Variants in FANCC observed in about 807,000 individuals in gnomAD.
FANCC encodes FA complementation group C.
Under a neutral mutation model 71.3 loss-of-function variants are expected in FANCC, and 55 were observed. The observed-to-expected ratio is 0.77, with a 90% CI of 0.62 to 0.97. The LOEUF (loss-of-function observed/expected upper bound fraction) is 0.97, where lower values mean the gene tolerates loss of function less well. Among genes scored for constraint, FANCC ranks in the 50% least tolerant of loss-of-function variants. The pLI is 0.00. For synonymous variants in FANCC, 275 were observed against 244.9 expected, an observed-to-expected ratio of 1.12 and a Z score of -1.15; for missense variants, 678 against 670.9, an observed-to-expected ratio of 1.01 and a Z score of -0.12.
intron 4 of FANCC, among the ~76,000 whole-genome samples, chr9:95,187,998 T>C (rs1398691689): frequency 1.3e-5 from 2 of 151,246 alleles, no homozygotes; most frequent in East Asian, 4.2e-4. Flanking sequence ...CGCATCAGTG[T>C]CTTCATGTAA....
chr9:95,206,765 C>G (rs915194812), intron 4 of FANCC, among the ~76,000 whole-genome samples: 7 of 152,102 alleles, frequency 4.6e-5, no homozygotes, highest in South Asian at 2.1e-4. Flanking sequence ...AGAAGAATAC[C>G]AAGAAACATA....
chr9:95,242,301 C>A (rs1050560806), intron 3 of FANCC, among the ~76,000 whole-genome samples: 7 of 151,890 alleles, frequency 4.6e-5, no homozygotes, highest in African/African-American at 1.7e-4. Context: ...TTAACCAATG[C>A]CACTAATTAA....
chr9:95,130,441 C>T (rs1364626214), intron 8 of FANCC, among the ~76,000 whole-genome samples: 1 of 152,050 alleles, frequency 6.6e-6, no homozygotes, highest in Non-Finnish European at 1.5e-5. Context: ...AGTGAAGGAA[C>T]AGAAAAAATT....
chr9:95,255,584 A>C (rs1831611225), intron 1 of FANCC, among the ~76,000 whole-genome samples: 1 of 152,166 alleles, frequency 6.6e-6, no homozygotes, highest in Non-Finnish European at 1.5e-5. Context: ...ATCCATGAAG[A>C]TGAGTAAAAA....
In FANCC at chr9:95,100,020, C is replaced by T. The variant is rs142666620; in HGVS notation, c.*1687G>A. 2.1e-3 allele frequency: 477 copies of T among 232,374 alleles called. 4 individuals are homozygous for T. The highest frequency in any genetic ancestry group is 0.01 in the African/African-American group (461 of 45,408). The allele number at this position is 232,374 out of a possible 1,614,324, so 14.4% of individuals were successfully genotyped here. A position where few individuals can be genotyped will look rare whatever the true frequency, so the allele number is the denominator to read the frequency against. On this transcript the variant is annotated 3_prime_UTR_variant, in exon 15 of 15. Transcript: ENST00000289081. ...AGTGGCCCCTCTCTCTAGGGGTTCC[C>T]TGCTGCCACCATGTCCACAGAGGAG...
At chr9:95,135,600 A>ATT in intron 7 of FANCC, 98 bp from the exon 8 acceptor site, 4 of 995,576 alleles carry the variant, frequency 4.0e-6, no homozygotes, top group Non-Finnish European at 6.2e-6. Context: ...CCAATTTGTG[A>ATT]GACTTCTCAT....
intron 6 of FANCC, among the ~76,000 whole-genome samples, chr9:95,158,739 T>C (rs769874282): frequency 1.3e-5 from 2 of 152,200 alleles, no homozygotes; most frequent in South Asian, 2.1e-4. Context: ...CCAGAGAGTA[T>C]GTCTGGACAG....
chr9:95,262,432 T>A (rs1296411009), intron 1 of FANCC, among the ~76,000 whole-genome samples: 3 of 151,830 alleles, frequency 2.0e-5, no homozygotes, highest in African/African-American at 7.3e-5. Context: ...CAGAAAACCA[T>A]CTCCCTTCAC....
chr9:95,173,678 G>A (rs572001529), intron 4 of FANCC, among the ~76,000 whole-genome samples: 51 of 152,254 alleles, frequency 3.3e-4, no homozygotes, highest in African/African-American at 1.1e-3. Flanking sequence ...CACTTTGGAA[G>A]GCCGAGACGG....
rs147765058 is a variant in FANCC, at chr9:95,173,364, C to T, written c.346-1217G>A. Among the ~76,000 whole-genome samples the T allele has an allele frequency of 7.4e-3, 1,126 of 152,142 alleles. 6 individuals carry two copies. The highest frequency in any genetic ancestry group is 0.012 in the Non-Finnish European group (841 of 68,006). On this transcript the variant is annotated intron_variant, in intron 4 of 14. Transcript: ENST00000289081. The stretch of plus-strand genomic sequence containing the variant: ...GTGTGTCTGCCTAGAGGTTTGTCAC[C>T]TGAACAAAGACCGATTACGGGCTAA...
At chr9:95,197,905 G>A (rs1827556762) in intron 4 of FANCC, among the ~76,000 whole-genome samples, 1 of 152,182 alleles carries the variant, frequency 6.6e-6, no homozygotes. Flanking sequence ...CACAGCAGAG[G>A]TCCCCACAGG....
At chr9:95,301,712 TTTG>T (rs1383062202) in intron 1 of FANCC, among the ~76,000 whole-genome samples, 2 of 151,970 alleles carry the variant, frequency 1.3e-5, no homozygotes, top group Non-Finnish European at 2.9e-5. Flanking sequence ...CTGCCTGGGA[TTTG>T]TTGTTGTTGC....
chr9:95,200,849 G>A (rs1298237423), intron 4 of FANCC, among the ~76,000 whole-genome samples: 1 of 152,012 alleles, frequency 6.6e-6, no homozygotes, highest in East Asian at 1.9e-4. Context: ...CTCACCTAAG[G>A]AATAAAAGGC....
In FANCC at chr9:95,294,031, A is replaced by G. The variant is rs571435530; in HGVS notation, c.-79+23495T>C. ...TCAAGAGATTGAGAAATGTGCACCA[A>G]TTATAAACTTCAGTGCACAGAACAG... is the stretch of plus-strand genomic sequence containing the variant. On this transcript the variant is annotated intron_variant, in intron 1 of 14. Transcript: ENST00000289081. 2.5e-6 allele frequency: 4 copies of G among 1,600,574 alleles called. No homozygotes were observed. In the African/African-American group the frequency reaches 5.4e-5, roughly 21 times the overall value.
intron 4 of FANCC, among the ~76,000 whole-genome samples, chr9:95,239,243 C>T (rs971812562): frequency 2.6e-5 from 4 of 152,178 alleles, no homozygotes; most frequent in Admixed American, 6.5e-5. Flanking sequence ...AACTCAACCA[C>T]GCTGCCCTGG....
intron 3 of FANCC, among the ~76,000 whole-genome samples, chr9:95,245,073 G>A (rs1167772353): frequency 1.3e-5 from 2 of 152,086 alleles, no homozygotes; most frequent in Non-Finnish European, 2.9e-5. Context: ...ACTTGAGGAT[G>A]TATTACATCC....
intron 1 of FANCC, among the ~76,000 whole-genome samples, chr9:95,298,176 T>C (rs1588435812): frequency 1.3e-5 from 2 of 151,940 alleles, no homozygotes; most frequent in Non-Finnish European, 2.9e-5. Context: ...AGATAAGAGA[T>C]GCTTATCAGG....
At position 95,193,750 on chromosome 9, in the gene FANCC, CA is replaced by C. The variant is rs1314761995; in HGVS notation, c.346-21604del. Among the ~76,000 whole-genome samples the C allele has an allele frequency of 3.3e-5, 5 of 152,182 alleles. No homozygotes were observed. The East Asian group carries it at 9.7e-4, about 29-fold the overall frequency. On this transcript the variant is annotated intron_variant, in intron 4 of 14. Transcript: ENST00000289081. The stretch of plus-strand genomic sequence containing the variant: ...GCCCAAATTGCAAGGGCGGCAATGG[CA>C]ATGAAGAGAAAAGGATAAAAGTGTG...
intron 4 of FANCC, among the ~76,000 whole-genome samples, chr9:95,221,330 G>C (rs1324339188): frequency 6.6e-6 from 1 of 152,124 alleles, no homozygotes; most frequent in Non-Finnish European, 1.5e-5. Flanking sequence ...CCTCATAACT[G>C]TCTAGAAAAG....
Sources: gnomAD v4.1 joint callset for allele counts (sites outside exome capture counted in the v4.1 genomes callset) on GRCh38, gnomAD v4.1.1 for gene constraint, MANE v1.5 for transcripts, NCBI Gene and HGNC (gene_info 2026-07-23, HGNC 2026-07-21) for gene names.